GCNT4: variants seen among roughly 807,000 people sequenced by gnomAD.
GCNT4 encodes the protein beta-1,3-galactosyl-O-glycosyl-glycoprotein beta-1,6-N-acetylglucosaminyltransferase 4.
In GCNT4, 17 loss-of-function variants were observed where a neutral mutation model predicts 31.3. The observed-to-expected ratio is 0.54, with a 90% CI of 0.37 to 0.81. The LOEUF (loss-of-function observed/expected upper bound fraction) is 0.81, where lower values mean the gene tolerates loss of function less well. Ranked by LOEUF, GCNT4 falls within the 40% of genes least tolerant of loss-of-function variation. The pLI, the probability that GCNT4 is intolerant of heterozygous loss-of-function variation, is 0.00. For missense variants in GCNT4, 503 were observed against 525.5 expected (o/e 0.96, Z 0.42); for synonymous variants, 158 against 190.6 (o/e 0.83, Z 1.41).
rs943569745 is a variant in GCNT4, at chr5:75,026,679, T to C, written c.*1997A>G. 1.8e-4 allele frequency: 25 copies of C among 142,296 alleles called. No homozygotes were observed. The highest frequency in any genetic ancestry group is 1.5e-3 in the Admixed American group (22 of 14,278). The allele number at this position is 142,296 out of a possible 1,614,324, so 8.8% of individuals were successfully genotyped here. ...AAAAAAAAAAAAAAAAAAACACTTG[T>C]GTGGAAGCAAGGATAGGCATCCAAG... On this transcript the variant is annotated 3_prime_UTR_variant, in exon 4 of 4. Transcript: ENST00000652361.
At chr5:75,024,819 C>T (rs756012325), downstream of GCNT4, among the ~76,000 whole-genome samples, 13 of 151,774 alleles carry the variant, frequency 8.6e-5, no homozygotes, top group Admixed American at 2.6e-4. Context: ...GGCATGGTGG[C>T]GGGCACCTGT....
At chr5:75,031,888 G>T (rs947092377) in intron 3 of GCNT4, among the ~76,000 whole-genome samples, 50 of 152,260 alleles carry the variant, frequency 3.3e-4, no homozygotes, top group African/African-American at 1.1e-3. Context: ...ACTGAGACCT[G>T]GTGGGGTCTG....
At chr5:75,046,467 C>A (rs767920776) in intron 3 of GCNT4, among the ~76,000 whole-genome samples, 19 of 152,162 alleles carry the variant, frequency 1.2e-4, no homozygotes, top group Admixed American at 9.2e-4. Flanking sequence ...AACTGTCCCC[C>A]CTCTGCTTCA....
chr5:75,049,739 TCGAGCA>T (rs528184660), intron 2 of GCNT4, among the ~76,000 whole-genome samples: 36 of 152,328 alleles, frequency 2.4e-4, no homozygotes, highest in Admixed American at 2.4e-3. Context: ...TTATACAGCA[TCGAGCA>T]CCTGACACTT....
At chr5:75,044,995 G>A (rs1002123708) in intron 3 of GCNT4, among the ~76,000 whole-genome samples, 2 of 152,178 alleles carry the variant, frequency 1.3e-5, no homozygotes, top group Admixed American at 1.3e-4. Context: ...TAGGTCTAGT[G>A]TCATTGCTGT....
Position 75,029,233 on chromosome 5 carries a change from G to C in GCNT4, c.805C>G (p.His269Asp), listed in dbSNP as rs774871408. ...TCATAAGGCACCCGTCTAAGTTCAT[G>C]ATGGTAAGTGAATCTTTCCAATTTA... ...NSKLERFTYHHELRRVPYEYV... is the reference protein window; with the variant it reads ...NSKLERFTYHDELRRVPYEYV... The change falls in exon 4 of 4, where the codon CAT becomes GAT. Residue 269 changes from histidine (H) to aspartate (D), a missense_variant. By Grantham distance (81) the His-to-Asp change is moderately conservative. Coordinates refer to ENST00000652361, the MANE Select transcript of GCNT4 (RefSeq NM_001366737.1). The C allele has an allele frequency of 6.2e-7, 1 of 1,614,114 alleles. No individual in the cohort carries two copies. Among genetic ancestry groups the C allele is most frequent in the Non-Finnish European group, 8.5e-7 (1 of 1,180,016 alleles).
chr5:75,030,044 AGAG>A lies in GCNT4; in HGVS notation c.-1-9_-1-7del. 1 of 1,575,874 alleles carries A rather than the reference AGAG, an allele frequency of 6.3e-7. No homozygotes were observed. The highest frequency in any genetic ancestry group is 1.2e-5 in the South Asian group (1 of 83,802). ...AACATTTGAATATCTTCATTCTGTA[AGAG>A]GAGAAAGAAATAATCCAGTTGGAAT... On this transcript the variant is annotated splice_region_variant and splice_polypyrimidine_tract_variant and intron_variant, in intron 3 of 3. Transcript: ENST00000652361.
At chr5:75,019,351 T>A in the GCNT4 span, among the ~76,000 whole-genome samples, 9 of 152,216 alleles carry the variant, frequency 5.9e-5, no homozygotes, top group Admixed American at 1.3e-4. Context: ...GAGAAATAAA[T>A]GTTTAAGTCA....
chr5:75,024,006 G>A (rs941206217), downstream of GCNT4: 1 of 152,140 alleles, frequency 6.6e-6, no homozygotes, highest in African/African-American at 2.4e-5. Context: ...TTAACACCCT[G>A]ATCATCTGTC....
In GCNT4 at chr5:75,029,077, C is replaced by T. The variant is rs4704166; in HGVS notation, c.961G>A (p.Val321Ile). The T allele has an allele frequency of 0.29, 461,807 of 1,613,686 alleles. 69,085 individuals are homozygous for T. The highest frequency in any genetic ancestry group is 0.51 in the African/African-American group (38,342 of 74,908). The stretch of plus-strand genomic sequence containing the variant: ...TTAGACCAGGCAAAAAAGTCTTGAA[C>T]GATGGAGTTGTTGAAAATATATTTA... Reference protein sequence around the residue: ...FVKYIFNNSIVQDFFAWSKDT... With the variant: ...FVKYIFNNSIIQDFFAWSKDT... The change falls in exon 4 of 4, where the codon GTT (valine) becomes ATT (isoleucine). Residue 321 changes from valine (V) to isoleucine (I), a missense_variant. Coordinates refer to ENST00000652361, the MANE Select transcript of GCNT4 (RefSeq NM_001366737.1).
At chr5:75,042,336 A>C (rs1179850935) in intron 3 of GCNT4, among the ~76,000 whole-genome samples, 1 of 152,224 alleles carries the variant, frequency 6.6e-6, no homozygotes, top group Non-Finnish European at 1.5e-5. Context: ...TGCACTAGAA[A>C]GAAAATAACT....
At chr5:75,053,709 G>A (rs1743643321), upstream of GCNT4, among the ~76,000 whole-genome samples, 1 of 152,032 alleles carries the variant, frequency 6.6e-6, no homozygotes, top group Non-Finnish European at 1.5e-5. Flanking sequence ...CCCGTGACGT[G>A]CGGAGAAAGT....
At position 75,030,883 on chromosome 5, in the gene GCNT4, C is replaced by T. The variant is rs1458437929; in HGVS notation, c.-1-845G>A. ...CAAGACAGAAAATCTCTCAAACATC[C>T]TTGAACAGTGCATTGATTAAATTAC... On this transcript the variant is annotated intron_variant, in intron 3 of 3. Transcript: ENST00000652361. 3 of 166,988 alleles carry T rather than the reference C, an allele frequency of 1.8e-5. No individual in the cohort carries two copies. The Admixed American group carries it at 2.0e-4, about 11-fold the overall frequency. The allele number at this position is 166,988 out of a possible 1,614,324, so 10.3% of individuals were successfully genotyped here. A position where few individuals can be genotyped will look rare whatever the true frequency, so the allele number is the denominator to read the frequency against.
chr5:75,021,453 C>T (rs1344932209), downstream of GCNT4, among the ~76,000 whole-genome samples: 1 of 152,160 alleles, frequency 6.6e-6, no homozygotes, highest in Non-Finnish European at 1.5e-5. Flanking sequence ...GCTTGGGTCA[C>T]GTGACCACCT....
At chr5:75,037,899 A>G (rs1743233387) in intron 3 of GCNT4, among the ~76,000 whole-genome samples, 1 of 151,458 alleles carries the variant, frequency 6.6e-6, no homozygotes, top group Non-Finnish European at 1.5e-5. Flanking sequence ...AAAACAAAAA[A>G]CAAAAAAAAC....
intron 3 of GCNT4, among the ~76,000 whole-genome samples, chr5:75,040,273 G>A (rs1000580471): frequency 6.6e-6 from 1 of 151,340 alleles, no homozygotes; most frequent in Non-Finnish European, 1.5e-5. Flanking sequence ...CCGCCTCCCA[G>A]ATTAACCCTT....
In GCNT4 at chr5:75,027,172, C is replaced by T. The variant is rs1742961922; in HGVS notation, c.*1504G>A. 1 of 149,446 alleles carries T rather than the reference C, an allele frequency of 6.7e-6. No individual in the cohort carries two copies. The highest frequency in any genetic ancestry group is 6.7e-5 in the Admixed American group (1 of 14,854). The allele number at this position is 149,446 out of a possible 1,614,324, so 9.3% of individuals were successfully genotyped here. ...TTTTTACATGAGTTCTACAATTTCC[C>T]AAGAGACTGGTGAAAATGTTATTGC... On this transcript the variant is annotated 3_prime_UTR_variant, in exon 4 of 4. Coordinates refer to ENST00000652361, the MANE Select transcript of GCNT4 (RefSeq NM_001366737.1).
intron 3 of GCNT4, among the ~76,000 whole-genome samples, chr5:75,043,617 T>C (rs563810794): frequency 2.6e-5 from 4 of 152,252 alleles, no homozygotes; most frequent in South Asian, 4.2e-4. Context: ...CTTGAGACCA[T>C]GAGGAACAGA....
At chr5:75,024,793 T>C (rs1462262067), downstream of GCNT4, among the ~76,000 whole-genome samples, 3 of 151,754 alleles carry the variant, frequency 2.0e-5, no homozygotes, top group African/African-American at 7.3e-5. Context: ...CTACTAAAAA[T>C]ACAAAAAATT....
Sources: allele counts gnomAD v4.1 joint callset (sites outside exome capture counted in the v4.1 genomes callset), GRCh38; gene constraint gnomAD v4.1.1; transcripts MANE v1.5; gene names NCBI Gene and HGNC (gene_info 2026-07-23, HGNC 2026-07-21).